The following SLA2 variants were observed in gnomAD, a reference collection of about 807,000 sequenced individuals.
The protein encoded by SLA2 is Src like adaptor 2, also known as src-like-adapter 2.
SLA2 carries 22 observed loss-of-function variants against 27.3 expected under a neutral mutation model. The ratio of observed to expected loss-of-function variants is 0.81; its 90% CI spans 0.58 to 1.15. SLA2 has a LOEUF of 1.15. Among genes scored for constraint, SLA2 ranks in the 50% most tolerant of loss-of-function variants. The pLI, the probability that SLA2 is intolerant of heterozygous loss-of-function variation, is 0.00. For synonymous variants in SLA2, 131 were observed against 137.8 expected, an observed-to-expected ratio of 0.95 and a Z score of 0.34; for missense variants, 304 against 322.2, an observed-to-expected ratio of 0.94 and a Z score of 0.43.
chr20:36,626,478 C>T (rs542629995), intron 5 of SLA2, among the ~76,000 whole-genome samples: 7 of 149,464 alleles, frequency 4.7e-5, no homozygotes, highest in South Asian at 2.1e-4. Flanking sequence ...GTGGGAGAAT[C>T]GCTTGGGCCT....
chr20:36,622,006 A>C (rs574440385), intron 5 of SLA2, among the ~76,000 whole-genome samples: 13 of 151,976 alleles, frequency 8.6e-5, no homozygotes, highest in South Asian at 2.1e-4. Context: ...ACAGAGGAAG[A>C]CTCTGTCTCA....
At chr20:36,615,184 G>C in intron 6 of SLA2, 41 bp downstream of exon 6, 1 of 1,613,474 alleles carries the variant, frequency 6.2e-7, no homozygotes, top group Non-Finnish European at 8.5e-7. Context: ...CCTCCCCACA[G>C]ACTATCCCAG....
At chr20:36,622,156 A>C (rs2147981877) in intron 5 of SLA2, among the ~76,000 whole-genome samples, 1 of 150,992 alleles carries the variant, frequency 6.6e-6, no homozygotes, top group African/African-American at 2.4e-5. Context: ...AGTTGCAGTG[A>C]GCCAAGATCA....
At chr20:36,639,624 TG>T (rs2039487088) in intron 2 of SLA2, among the ~76,000 whole-genome samples, 1 of 148,930 alleles carries the variant, frequency 6.7e-6, no homozygotes, top group African/African-American at 2.5e-5. Context: ...GAGGCCGAGG[TG>T]GGTGGATCAC....
chr20:36,620,953 A>G, intron 5 of SLA2: 1 of 328,854 alleles, frequency 3.0e-6, no homozygotes, highest in Non-Finnish European at 6.1e-6. Flanking sequence ...GATGGTAAGT[A>G]GTCGTGGAGG....
intron 5 of SLA2, among the ~76,000 whole-genome samples, chr20:36,625,610 T>C (rs1040240580): frequency 6.6e-6 from 1 of 151,964 alleles, no homozygotes; most frequent in Non-Finnish European, 1.5e-5. Flanking sequence ...GGCGGGAGGA[T>C]GGCTTGAGCC....
In SLA2 at chr20:36,613,781, C is replaced by A; in HGVS notation, c.*85G>T. The stretch of plus-strand genomic sequence containing the variant: ...GTCCCACCCTCCCTCCCTGAGTGCA[C>A]AGCCTTGCCTCTGGGGTGCCCAGGA... On this transcript the variant is annotated 3_prime_UTR_variant, in exon 8 of 8. Transcript: ENST00000262866. The A allele has an allele frequency of 1.1e-6, 1 of 898,410 alleles. No individual in the cohort carries two copies. The allele number at this position is 898,410 out of a possible 1,614,324, so 55.7% of individuals were successfully genotyped here.
chr20:36,619,545 C>T (rs1214717070), intron 5 of SLA2, among the ~76,000 whole-genome samples: 2 of 151,620 alleles, frequency 1.3e-5, no homozygotes, highest in Non-Finnish European at 2.9e-5. Context: ...ATTGGAGAGA[C>T]TGAAGTGGGA....
At chr20:36,643,555 TTC>T (rs1163222212) in intron 1 of SLA2, among the ~76,000 whole-genome samples, 1 of 152,128 alleles carries the variant, frequency 6.6e-6, no homozygotes, top group East Asian at 1.9e-4. Flanking sequence ...ATGGAGTGAT[TTC>T]TGTGGCGTCC....
chr20:36,643,564 G>A (rs138920204), intron 1 of SLA2, among the ~76,000 whole-genome samples: 3 of 152,282 alleles, frequency 2.0e-5, no homozygotes, highest in African/African-American at 2.4e-5. Context: ...TTTCTGTGGC[G>A]TCCTGGACCA....
At position 36,632,653 on chromosome 20, in the gene SLA2, C is replaced by A; in HGVS notation, c.324G>T (p.Leu108=). Residue 108 remains leucine, a synonymous_variant, in exon 5 of 8, where the codon CTG becomes CTT. Transcript: ENST00000262866. ...GLSREKAEEL[L]LLPGNPGGAF... Reference sequence around the variant, plus strand: ...CCCCTCCAGGGTTCCCAGGTAACAACAGCAGTTCCTCTGCTTTCTCCCTGC... The same window carrying A: ...CCCCTCCAGGGTTCCCAGGTAACAAAAGCAGTTCCTCTGCTTTCTCCCTGC... 6.2e-7 allele frequency: 1 copy of A among 1,614,248 alleles called. No individual in the cohort carries two copies. The highest frequency in any genetic ancestry group is 1.1e-5 in the South Asian group (1 of 91,092).
chr20:36,628,364 T>C (rs2039360338), intron 5 of SLA2, among the ~76,000 whole-genome samples: 1 of 152,170 alleles, frequency 6.6e-6, no homozygotes, highest in Admixed American at 6.5e-5. Flanking sequence ...CCAACCATGG[T>C]CATGTTCTCT....
chr20:36,629,559 A>G (rs926098094), intron 5 of SLA2, among the ~76,000 whole-genome samples: 1 of 151,552 alleles, frequency 6.6e-6, no homozygotes, highest in Non-Finnish European at 1.5e-5. Context: ...GGATCATCTG[A>G]GGTCAGGAGT....
At chr20:36,622,432 C>G (rs535139654) in intron 5 of SLA2, among the ~76,000 whole-genome samples, 1 of 144,238 alleles carries the variant, frequency 6.9e-6, no homozygotes, top group East Asian at 2.0e-4. Context: ...AAATTCAACA[C>G]CCTTCATGAT....
chr20:36,641,044 T>C (rs1435145593), intron 2 of SLA2, among the ~76,000 whole-genome samples: 1 of 152,182 alleles, frequency 6.6e-6, no homozygotes. Flanking sequence ...ATTTATGCCA[T>C]TGTTTACTGT....
intron 5 of SLA2, among the ~76,000 whole-genome samples, chr20:36,622,147 G>A (rs2147981871): frequency 6.6e-6 from 1 of 150,946 alleles, no homozygotes; most frequent in East Asian, 2.0e-4. Context: ...CATGGTGGAA[G>A]TTGCAGTGAG....
intron 5 of SLA2, among the ~76,000 whole-genome samples, chr20:36,623,557 C>T (rs955815393): frequency 6.6e-6 from 1 of 152,180 alleles, no homozygotes; most frequent in African/African-American, 2.4e-5. Context: ...GACCCAGAGT[C>T]AATATGCTTT....
chr20:36,637,752 GA>G (rs1442312477), intron 2 of SLA2, among the ~76,000 whole-genome samples: 2 of 148,000 alleles, frequency 1.4e-5, no homozygotes, highest in Non-Finnish European at 3.0e-5. Context: ...TCAGCCTCCT[GA>G]GTAGCTGGGA....
In SLA2 at chr20:36,615,361, C is replaced by CA; in HGVS notation, c.395dup (p.Ser133ValfsTer22). The CA allele has an allele frequency of 6.2e-7, 1 of 1,613,914 alleles. No homozygotes were observed. On this transcript the variant is annotated frameshift_variant, in exon 6 of 8. Transcript: ENST00000262866. LOFTEE classifies it high-confidence loss of function. ...ATGCAGGGCGGCTGAGGCGGACTGACAGAGAGTAAGAGCCTGAGGAGAAAG... is the reference window on the plus strand; with the variant it reads ...ATGCAGGGCGGCTGAGGCGGACTGACAAGAGAGTAAGAGCCTGAGGAGAAAG...
Sources: gnomAD v4.1 joint callset for allele counts (sites outside exome capture counted in the v4.1 genomes callset) on GRCh38, gnomAD v4.1.1 for gene constraint, MANE v1.5 for transcripts, NCBI Gene and HGNC (gene_info 2026-07-23, HGNC 2026-07-21) for gene names.